Variants in TSG101 observed in about 807,000 individuals in gnomAD.
TSG101 encodes the protein tumor susceptibility gene 101 protein.
TSG101 carries 19 observed loss-of-function variants against 48.5 expected under a neutral mutation model. The ratio of observed to expected loss-of-function variants is 0.39; its 90% CI spans 0.27 to 0.58. The LOEUF is 0.58. TSG101 is among the 20% of genes least tolerant of loss of function. The pLI, the probability that TSG101 is intolerant of heterozygous loss-of-function variation, is 0.55. For synonymous variants in TSG101, 174 were observed against 169.4 expected (o/e 1.03, Z -0.21); for missense variants, 365 against 484.4 (o/e 0.75, Z 2.31).
At chr11:18,498,589 G>A (rs1849821173) in intron 7 of TSG101, among the ~76,000 whole-genome samples, 1 of 152,118 alleles carries the variant, frequency 6.6e-6, no homozygotes, top group South Asian at 2.1e-4. Flanking sequence ...TTGAGAATTC[G>A]GTTTTGGTTG....
At chr11:18,508,031 T>C (rs751568422) in intron 5 of TSG101, 2 of 149,558 alleles carry the variant, frequency 1.3e-5, no homozygotes, top group Admixed American at 6.7e-5. Flanking sequence ...GAGGCAGAGG[T>C]TGCAGTCAGC....
Position 18,526,838 on chromosome 11 carries a change from T to G in TSG101, c.-22A>C, listed in dbSNP as rs777087366. 3 of 1,598,528 alleles carry G rather than the reference T, an allele frequency of 1.9e-6. No homozygotes were observed. In the South Asian group the frequency reaches 3.3e-5, roughly 18 times the overall value. On this transcript the variant is annotated 5_prime_UTR_variant, in exon 1 of 10. Transcript: ENST00000251968. ...CCATGACGGCCGCCTGGCGACTCCC[T>G]TCCCCGCAGGCAGAGGGTCAGCCGC... is the stretch of plus-strand genomic sequence containing the variant.
At chr11:18,516,224 T>G in intron 2 of TSG101, 60 bp from the exon 3 acceptor site, 1 of 1,470,162 alleles carries the variant, frequency 6.8e-7, no homozygotes, top group Non-Finnish European at 9.5e-7. Context: ...CCATAAGTTA[T>G]TCTTTCAGAA....
At chr11:18,523,828 T>C (rs926244822) in intron 1 of TSG101, among the ~76,000 whole-genome samples, 6 of 152,174 alleles carry the variant, frequency 3.9e-5, no homozygotes, top group Admixed American at 3.3e-4. Context: ...AAAATGTTTA[T>C]TTTTTACTTT....
At chr11:18,499,396 ATATATATTTTTTT>A (rs1157560308) in intron 7 of TSG101, among the ~76,000 whole-genome samples, 1 of 3,734 alleles carries the variant, frequency 2.7e-4, no homozygotes, top group African/African-American at 6.0e-4. Flanking sequence ...ATATATATAT[ATATATATTTTTTT>A]TTTTTTTTTT....
chr11:18,507,032 T>TA (rs878961105), intron 5 of TSG101, 109 bp from the exon 6 acceptor site: 8 of 729,446 alleles, frequency 1.1e-5, no homozygotes, highest in Middle Eastern at 2.8e-4. Flanking sequence ...ATTTCACAGT[T>TA]AAAAAATCCA....
intron 7 of TSG101, 45 bp from the exon 8 acceptor site, chr11:18,484,117 C>A: frequency 1.3e-6 from 2 of 1,599,966 alleles, no homozygotes; most frequent in South Asian, 2.2e-5. Flanking sequence ...TTCCCAAGTT[C>A]CTTCTATTTG....
At chr11:18,499,262 ATTT>A (rs1317424763) in intron 7 of TSG101, among the ~76,000 whole-genome samples, 2 of 133,508 alleles carry the variant, frequency 1.5e-5, no homozygotes, top group Admixed American at 8.6e-5. Flanking sequence ...TATTATATAT[ATTT>A]TATATATATT....
intron 7 of TSG101, chr11:18,490,848 A>C: frequency 1.8e-6 from 1 of 547,424 alleles, no homozygotes; most frequent in Non-Finnish European, 3.7e-6. Flanking sequence ...TCTTCGTTGG[A>C]GTATTCATGC....
intron 6 of TSG101, among the ~76,000 whole-genome samples, chr11:18,505,865 T>G (rs1013901183): frequency 3.9e-5 from 6 of 151,998 alleles, no homozygotes; most frequent in Non-Finnish European, 8.8e-5. Flanking sequence ...TCGCCCAGGG[T>G]GGAGTGTAAT....
At chr11:18,512,143 A>G (rs2133926579) in intron 4 of TSG101, among the ~76,000 whole-genome samples, 1 of 152,140 alleles carries the variant, frequency 6.6e-6, no homozygotes, top group Non-Finnish European at 1.5e-5. Flanking sequence ...AATGGCTCAC[A>G]CCTGTAATCC....
chr11:18,523,160 G>A (rs1019792985), intron 1 of TSG101, among the ~76,000 whole-genome samples: 4 of 152,152 alleles, frequency 2.6e-5, no homozygotes, highest in Non-Finnish European at 5.9e-5. Context: ...CTCCCAAAAT[G>A]TTTGGATTTC....
chr11:18,505,295 T>C (rs941021301), intron 6 of TSG101, among the ~76,000 whole-genome samples: 2 of 151,974 alleles, frequency 1.3e-5, no homozygotes, highest in African/African-American at 2.4e-5. Flanking sequence ...CTCACTCTGT[T>C]GGCCAGACTG....
intron 7 of TSG101, among the ~76,000 whole-genome samples, chr11:18,491,439 C>T (rs747475709): frequency 2.6e-5 from 4 of 152,180 alleles, no homozygotes; most frequent in Non-Finnish European, 4.4e-5. Flanking sequence ...AGGTGAGCTA[C>T]CTTGGTGGGT....
At chr11:18,491,678 T>C (rs962745856) in intron 7 of TSG101, among the ~76,000 whole-genome samples, 2 of 152,326 alleles carry the variant, frequency 1.3e-5, no homozygotes, top group Admixed American at 6.5e-5. Context: ...AACTTTAGGG[T>C]GGCCTTGGGA....
intron 1 of TSG101, 31 bp downstream of exon 1, chr11:18,526,744 G>C: frequency 6.3e-7 from 1 of 1,596,186 alleles, no homozygotes; most frequent in South Asian, 1.1e-5. Context: ...CGGTGGGCGC[G>C]CCCTGGGAGG....
At chr11:18,481,026 T>G (rs939511264) in intron 9 of TSG101, among the ~76,000 whole-genome samples, 1 of 152,134 alleles carries the variant, frequency 6.6e-6, no homozygotes, top group African/African-American at 2.4e-5. Context: ...GATCAGCACA[T>G]GACCTGACCA....
intron 4 of TSG101, among the ~76,000 whole-genome samples, chr11:18,513,770 C>T (rs1366265556): frequency 6.6e-6 from 1 of 152,142 alleles, no homozygotes; most frequent in Non-Finnish European, 1.5e-5. Flanking sequence ...AGCCCTTCAT[C>T]CTTCATCAAG....
In TSG101 at chr11:18,492,947, C is replaced by T. The variant is rs541918180; in HGVS notation, c.641-8875G>A. Among the ~76,000 whole-genome samples, 3 of 152,296 alleles carry T rather than the reference C, an allele frequency of 2.0e-5. No homozygotes were observed. In the East Asian group the frequency reaches 5.8e-4, roughly 29 times the overall value. On this transcript the variant is annotated intron_variant, in intron 7 of 9. Coordinates refer to ENST00000251968, the MANE Select transcript of TSG101 (RefSeq NM_006292.4). Reference sequence around the variant, plus strand: ...AAAAGATTTGGTGGAAGATTCTCATCTACTTTGTGAACACTTACCAAACCA... The same window carrying T: ...AAAAGATTTGGTGGAAGATTCTCATTTACTTTGTGAACACTTACCAAACCA...
Sources: gnomAD v4.1 joint callset for allele counts (sites outside exome capture counted in the v4.1 genomes callset) on GRCh38, gnomAD v4.1.1 for gene constraint, MANE v1.5 for transcripts, NCBI Gene and HGNC (gene_info 2026-07-23, HGNC 2026-07-21) for gene names.